The following DPP8 variants were observed in gnomAD, a reference collection of about 807,000 sequenced individuals.
The protein encoded by DPP8 is dipeptidyl peptidase 8.
A neutral mutation model predicts 107.5 loss-of-function variants in DPP8; 31 were observed. The ratio of observed to expected loss-of-function variants is 0.29; its 90% CI spans 0.22 to 0.39. DPP8 has a LOEUF of 0.39. Among genes scored for constraint, DPP8 ranks in the 10% least tolerant of loss-of-function variants. The pLI, the probability that DPP8 is intolerant of heterozygous loss-of-function variation, is 1.00. For synonymous variants in DPP8, 381 were observed against 356.6 expected (o/e 1.07, Z -0.77); for missense variants, 842 against 1,076.1 (o/e 0.78, Z 3.04).
intron 19 of DPP8, among the ~76,000 whole-genome samples, chr15:65,448,533 G>A (rs1325259422): frequency 1.3e-5 from 2 of 151,056 alleles, no homozygotes; most frequent in Non-Finnish European, 3.0e-5. Context: ...TTAGCCAGGC[G>A]TGGTGGCGGG....
chr15:65,470,779 C>T (rs1190429097), intron 12 of DPP8, among the ~76,000 whole-genome samples: 2 of 151,844 alleles, frequency 1.3e-5, no homozygotes, highest in Non-Finnish European at 2.9e-5. Context: ...ATTAGCTGGG[C>T]ATGGTGGTGT....
intron 15 of DPP8, among the ~76,000 whole-genome samples, chr15:65,463,256 T>A (rs921149431): frequency 6.6e-6 from 1 of 152,152 alleles, no homozygotes; most frequent in African/African-American, 2.4e-5. Flanking sequence ...ACTGCCTTAG[T>A]GGCAGGGCAC....
chr15:65,514,572 G>A (rs560831525), intron 1 of DPP8, among the ~76,000 whole-genome samples: 19 of 152,198 alleles, frequency 1.2e-4, no homozygotes, highest in South Asian at 6.2e-4. Flanking sequence ...GCAGTGGCGC[G>A]AGATCTCGGC....
At chr15:65,475,425 C>A in intron 11 of DPP8, 6 of 1,572,788 alleles carry the variant, frequency 3.8e-6, no homozygotes, top group Non-Finnish European at 5.2e-6. Context: ...CTCAAATATA[C>A]CTTATTATGG....
intron 6 of DPP8, among the ~76,000 whole-genome samples, chr15:65,488,498 C>T (rs2067655651): frequency 6.8e-6 from 1 of 148,126 alleles, no homozygotes; most frequent in Non-Finnish European, 1.5e-5. Flanking sequence ...GTCCCAGGTA[C>T]TTGAGAGGCT....
At position 65,490,083 on chromosome 15, in the gene DPP8, C is replaced by T. The variant is rs560012625; in HGVS notation, c.826+106G>A. On this transcript the variant is annotated intron_variant, in intron 6 of 19. Transcript: ENST00000300141. ...CATCATCACTTTGGAATCTATTATC[C>T]GCTTTCAAATCTATTATCCAAGATT... is the stretch of plus-strand genomic sequence containing the variant. 70 of 649,648 alleles carry T rather than the reference C, an allele frequency of 1.1e-4. 1 individual carries two copies. Among genetic ancestry groups the T allele is most frequent in the South Asian group, 7.4e-4 (42 of 56,454 alleles). The allele number at this position is 649,648 out of a possible 1,614,324, so 40.2% of individuals were successfully genotyped here.
intron 14 of DPP8, among the ~76,000 whole-genome samples, chr15:65,465,167 CTTTT>C (rs199937501): frequency 8.6e-5 from 11 of 127,742 alleles, no homozygotes; most frequent in Non-Finnish European, 1.5e-4. Flanking sequence ...TTTGTTTTTT[CTTTT>C]TTTTTTTTTT....
chr15:65,494,412 A>G (rs2068367318), intron 5 of DPP8, among the ~76,000 whole-genome samples: 1 of 151,638 alleles, frequency 6.6e-6, no homozygotes. Context: ...TTGTAGAGAC[A>G]GGGTCTCCCT....
In DPP8 at chr15:65,483,597, A is replaced by C. The variant is rs544709260; in HGVS notation, c.1017+1502T>G. The stretch of plus-strand genomic sequence containing the variant: ...GACTTTTCTTCAAACAATAAAATAA[A>C]ATAAAATAAAATAAAATAAAATAAA... On this transcript the variant is annotated intron_variant, in intron 8 of 19. Coordinates refer to ENST00000300141, the MANE Select transcript of DPP8 (RefSeq NM_130434.5). 2.3e-3 allele frequency among the ~76,000 whole-genome samples: 170 copies of C among 75,328 alleles called. 1 individual carries two copies. The highest frequency in any genetic ancestry group is 9.7e-3 in the African/African-American group (162 of 16,736). The allele number at this position is 75,328 out of a possible 152,430, so 49.4% of individuals were successfully genotyped here.
intron 4 of DPP8, among the ~76,000 whole-genome samples, chr15:65,498,993 G>A (rs1396583300): frequency 6.6e-6 from 1 of 151,654 alleles, no homozygotes; most frequent in South Asian, 2.1e-4. Flanking sequence ...AGGAGTTTGA[G>A]GCTGCAGTGA....
intron 7 of DPP8, among the ~76,000 whole-genome samples, chr15:65,485,706 C>T (rs1377509714): frequency 6.6e-6 from 1 of 152,136 alleles, no homozygotes; most frequent in South Asian, 2.1e-4. Context: ...GCCTGTAATC[C>T]CAGCACTTTG....
chr15:65,512,618 A>ATG (rs750101305), intron 1 of DPP8, 54 bp from the exon 2 acceptor site: 2 of 1,586,592 alleles, frequency 1.3e-6, no homozygotes, highest in Non-Finnish European at 1.7e-6. Flanking sequence ...TATTATCAGA[A>ATG]TGATTCTCTG....
In DPP8 at chr15:65,500,793, A is replaced by C; in HGVS notation, c.373-14T>G. On this transcript the variant is annotated splice_polypyrimidine_tract_variant and intron_variant, in intron 3 of 19. Transcript: ENST00000300141. ...GTCCAGTGTTGCCTAATGTGAAAGG[A>C]AAGTCACCTATTCCAGTCTTCTGAA... is the stretch of plus-strand genomic sequence containing the variant. 1.3e-6 allele frequency: 2 copies of C among 1,597,796 alleles called. No homozygotes were observed. The highest frequency in any genetic ancestry group is 8.6e-7 in the Non-Finnish European group (1 of 1,169,228).
At chr15:65,482,631 A>T (rs1236628185) in intron 8 of DPP8, among the ~76,000 whole-genome samples, 1 of 152,204 alleles carries the variant, frequency 6.6e-6, no homozygotes, top group Non-Finnish European at 1.5e-5. Flanking sequence ...TTTTCTTTTA[A>T]AAGTCTAGTA....
intron 11 of DPP8, among the ~76,000 whole-genome samples, chr15:65,478,517 C>G (rs1034194063): frequency 2.6e-5 from 4 of 152,170 alleles, no homozygotes; most frequent in Non-Finnish European, 5.9e-5. Flanking sequence ...GCCTTGGCCT[C>G]CCAAAGTGCT....
intron 8 of DPP8, among the ~76,000 whole-genome samples, chr15:65,484,479 T>G (rs2067218550): frequency 6.6e-6 from 1 of 152,088 alleles, no homozygotes; most frequent in Non-Finnish European, 1.5e-5. Context: ...CAACAGCCAC[T>G]GAATTTTAAA....
At chr15:65,450,512 AAC>A (rs138290986) in intron 19 of DPP8, among the ~76,000 whole-genome samples, 30 of 152,352 alleles carry the variant, frequency 2.0e-4, no homozygotes, top group African/African-American at 7.0e-4. Context: ...TAAGGAGTAA[AAC>A]ACAGTTTTAA....
At chr15:65,452,315 T>A (rs988902096) in intron 17 of DPP8, among the ~76,000 whole-genome samples, 1 of 152,184 alleles carries the variant, frequency 6.6e-6, no homozygotes, top group African/African-American at 2.4e-5. Flanking sequence ...TCCATGGGCA[T>A]TCTACATACC....
Position 65,500,691 on chromosome 15 carries a change from T to A in DPP8, c.461A>T (p.Asp154Val), listed in dbSNP as rs768334346. The A allele has an allele frequency of 1.2e-6, 2 of 1,613,936 alleles. No homozygotes were observed. The highest frequency in any genetic ancestry group is 1.7e-5 in the Admixed American group (1 of 60,006). The change falls in exon 4 of 20, where the codon GAT (aspartate) becomes GTT (valine). Residue 154 changes from aspartate to valine, a missense_variant. Coordinates refer to ENST00000300141, the MANE Select transcript of DPP8 (RefSeq NM_130434.5). The part of the protein sequence containing the change: ...RIGTVGIASY[D>V]YHQGSGTFLF... Reference sequence around the variant, plus strand: ...AAATGTTCCACTTCCTTGGTGATAATCGTAAGAAGCAATTCCGACTGTTCC... The same window carrying A: ...AAATGTTCCACTTCCTTGGTGATAAACGTAAGAAGCAATTCCGACTGTTCC...
Sources: gnomAD v4.1 joint callset for allele counts (sites outside exome capture counted in the v4.1 genomes callset) on GRCh38, gnomAD v4.1.1 for gene constraint, MANE v1.5 for transcripts, NCBI Gene and HGNC (gene_info 2026-07-23, HGNC 2026-07-21) for gene names.